The following INPP5F variants were observed in gnomAD, a reference collection of about 807,000 sequenced individuals.
INPP5F encodes the protein inositol polyphosphate-5-phosphatase F, also known as phosphatidylinositide 4-phosphatase SAC2.
INPP5F carries 97 observed loss-of-function variants against 137.2 expected under a neutral mutation model. The observed-to-expected ratio is 0.71, with a 90% confidence interval of 0.60 to 0.84. The LOEUF is 0.84. Ranked by LOEUF, INPP5F falls within the 40% of genes least tolerant of loss-of-function variation. INPP5F has a pLI of 0.00. For synonymous variants in INPP5F, 504 were observed against 476.9 expected (o/e 1.06, Z -0.74); for missense variants, 1,271 against 1,371.9 (o/e 0.93, Z 1.16).
chr10:119,804,365 C>T (rs972208553), intron 10 of INPP5F, 68 bp downstream of exon 10: 2 of 1,238,864 alleles, frequency 1.6e-6, no homozygotes, highest in Non-Finnish European at 2.2e-6. Context: ...CCACAGGGAC[C>T]TTAGTTTCTC....
In INPP5F at chr10:119,778,927, G is replaced by A. The variant is rs115735943; in HGVS notation, c.179-2708G>A. ...GTGAAACATTACCGTTGTTCTAAGAGTCAGAATTCTACTCAGAGACCAGTC... is the reference window on the plus strand; with the variant it reads ...GTGAAACATTACCGTTGTTCTAAGAATCAGAATTCTACTCAGAGACCAGTC... On this transcript the variant is annotated intron_variant, in intron 2 of 19. Transcript: ENST00000650623. 7.8e-4 allele frequency among the ~76,000 whole-genome samples: 118 copies of A among 152,216 alleles called. 1 individual carries two copies. Among genetic ancestry groups the A allele is most frequent in the African/African-American group, 2.8e-3 (116 of 41,496 alleles).
intron 3 of INPP5F, among the ~76,000 whole-genome samples, chr10:119,788,736 G>A (rs1850015067): frequency 6.6e-6 from 1 of 152,184 alleles, no homozygotes; most frequent in Non-Finnish European, 1.5e-5. Flanking sequence ...TTAGAGGTTG[G>A]GACAAAGGAA....
chr10:119,778,254 C>G (rs1849589558), intron 2 of INPP5F, among the ~76,000 whole-genome samples: 1 of 152,128 alleles, frequency 6.6e-6, no homozygotes, highest in African/African-American at 2.4e-5. Flanking sequence ...GTGATCTGCC[C>G]TCCCTGGCCT....
At chr10:119,824,996 A>T (rs35253784) in intron 19 of INPP5F, among the ~76,000 whole-genome samples, 25,281 of 152,150 alleles carry the variant, frequency 0.17, 2,274 homozygotes, top group South Asian at 0.44. Flanking sequence ...ATGGACTCTG[A>T]GACTCCTGGT....
At chr10:119,738,099 C>G (rs73355808) in intron 1 of INPP5F, among the ~76,000 whole-genome samples, 1,591 of 152,206 alleles carry the variant, frequency 0.01, 31 homozygotes, top group African/African-American at 0.037. Context: ...AAAATAGAAG[C>G]CATGTACTGC....
At chr10:119,766,595 C>T (rs1444083660) in intron 2 of INPP5F, among the ~76,000 whole-genome samples, 1 of 151,928 alleles carries the variant, frequency 6.6e-6, no homozygotes, top group East Asian at 1.9e-4. Context: ...AAAGTAAAGA[C>T]AAAGAGGATA....
At chr10:119,742,948 C>T (rs535263003) in intron 1 of INPP5F, among the ~76,000 whole-genome samples, 9 of 152,164 alleles carry the variant, frequency 5.9e-5, no homozygotes, top group South Asian at 2.1e-4. Flanking sequence ...GCCGAGATCG[C>T]GCCATTGCAC....
chr10:119,768,294 AG>A (rs1849234560), intron 2 of INPP5F: 1 of 152,180 alleles, frequency 6.6e-6, no homozygotes, highest in African/African-American at 2.4e-5. Context: ...TAGAGGTCTA[AG>A]GTGGATCACT....
Position 119,764,511 on chromosome 10 carries a change from G to A in INPP5F, c.178+13355G>A, listed in dbSNP as rs761945215. Among the ~76,000 whole-genome samples, 5 of 152,060 alleles carry A rather than the reference G, an allele frequency of 3.3e-5. No individual in the cohort carries two copies. The East Asian group carries it at 9.6e-4, about 29-fold the overall frequency. On this transcript the variant is annotated intron_variant, in intron 2 of 19. Transcript: ENST00000650623. ...CTCAGCTTACTTAACATGAAGATAA[G>A]GATGAAGACCTTTATAATGACCCAC... is the stretch of plus-strand genomic sequence containing the variant.
chr10:119,779,763 T>C (rs1408162433), intron 2 of INPP5F, among the ~76,000 whole-genome samples: 1 of 152,182 alleles, frequency 6.6e-6, no homozygotes, highest in Non-Finnish European at 1.5e-5. Context: ...CTTAGCTTAC[T>C]GTAACTTTTC....
intron 19 of INPP5F, 57 bp from the exon 20 acceptor site, chr10:119,826,572 CTG>C: frequency 2.3e-6 from 3 of 1,308,194 alleles, no homozygotes; most frequent in Non-Finnish European, 1.1e-6. Flanking sequence ...ATGTTAATAA[CTG>C]GAACTGGCAT....
chr10:119,742,511 T>G (rs1331911980), intron 1 of INPP5F, among the ~76,000 whole-genome samples: 2 of 152,102 alleles, frequency 1.3e-5, no homozygotes, highest in Middle Eastern at 6.3e-3. Context: ...TGGGCAAGGA[T>G]AGTAGCAGTA....
At chr10:119,799,081 G>A (rs1264143562) in intron 9 of INPP5F, among the ~76,000 whole-genome samples, 1 of 152,108 alleles carries the variant, frequency 6.6e-6, no homozygotes, top group Non-Finnish European at 1.5e-5. Context: ...AACTTGTTAT[G>A]TATTTTTCAG....
Position 119,728,986 on chromosome 10 carries a change from C to G in INPP5F, c.97+2627C>G, listed in dbSNP as rs985123807. 3.3e-5 allele frequency among the ~76,000 whole-genome samples: 5 copies of G among 152,184 alleles called. No individual in the cohort carries two copies. The East Asian group carries it at 9.6e-4, about 29-fold the overall frequency. ...GTATTTACTCCTCATCTTGGTGTCT[C>G]TAGGCTTTAGAGTACTTAGGACAGA... On this transcript the variant is annotated intron_variant, in intron 1 of 19. Transcript: ENST00000650623.
chr10:119,785,533 CTCGAGAGAGAGAGAGAGA>C (rs1224884949), intron 3 of INPP5F, among the ~76,000 whole-genome samples: 1 of 26,560 alleles, frequency 3.8e-5, no homozygotes, highest in Non-Finnish European at 1.0e-4. Context: ...TTGTGATCCG[CTCGAGAGAGAGAGAGAGA>C]GAGAGAGAGA....
chr10:119,796,994 CA>C, intron 7 of INPP5F, 81 bp downstream of exon 7: 2 of 1,292,396 alleles, frequency 1.5e-6, no homozygotes, highest in Non-Finnish European at 2.2e-6. Context: ...ATGCTAATGA[CA>C]ATAATGGATT....
intron 15 of INPP5F, chr10:119,816,156 T>G (rs895058970): frequency 6.6e-6 from 1 of 152,282 alleles, no homozygotes; most frequent in African/African-American, 2.4e-5. Flanking sequence ...GTGAGCCCCT[T>G]TTGGAGAGCC....
Position 119,748,624 on chromosome 10 carries a change from G to A in INPP5F, c.98-2452G>A, listed in dbSNP as rs1168363380. Among the ~76,000 whole-genome samples the A allele has an allele frequency of 6.6e-6, 1 of 152,134 alleles. No individual in the cohort carries two copies. The highest frequency in any genetic ancestry group is 1.5e-5 in the Non-Finnish European group (1 of 68,030). On this transcript the variant is annotated intron_variant, in intron 1 of 19. Coordinates refer to ENST00000650623, the MANE Select transcript of INPP5F (RefSeq NM_014937.4). This position sits in a 1 kb window ranked among gnomAD's most constrained non-coding sequence, Gnocchi z 4.7. ...GGCAGGTCATCCAATGAGGAGACCC[G>A]AAGGGGGCAGCTCCCTCCCGCAGCT...
At chr10:119,752,130 C>T (rs971006659) in intron 2 of INPP5F, among the ~76,000 whole-genome samples, 3 of 152,070 alleles carry the variant, frequency 2.0e-5, no homozygotes, top group Admixed American at 6.6e-5. Context: ...GAAATAAGCA[C>T]GTATATCTGG....
Sources: allele counts gnomAD v4.1 joint callset (sites outside exome capture counted in the v4.1 genomes callset), GRCh38; gene constraint gnomAD v4.1.1; non-coding constraint Gnocchi (gnomAD v3.1); transcripts MANE v1.5; gene names NCBI Gene and HGNC (gene_info 2026-07-23, HGNC 2026-07-21).